Variants in SLC24A3 observed in about 807,000 individuals in gnomAD.
The protein encoded by SLC24A3 is solute carrier family 24 member 3, also known as sodium/potassium/calcium exchanger 3.
A neutral mutation model predicts 75.8 loss-of-function variants in SLC24A3; 28 were observed. The observed-to-expected ratio is 0.37, with a 90% confidence interval of 0.27 to 0.51. The LOEUF (loss-of-function observed/expected upper bound fraction) is 0.51, where lower values mean the gene tolerates loss of function less well. Among genes scored for constraint, SLC24A3 ranks in the 20% least tolerant of loss-of-function variants. The pLI is 0.94. For synonymous variants in SLC24A3, 372 were observed against 334.1 expected (o/e 1.11, Z -1.24); for missense variants, 663 against 847.8 (o/e 0.78, Z 2.71).
chr20:19,314,502 A>T (rs1984537545), intron 2 of SLC24A3, among the ~76,000 whole-genome samples: 1 of 151,690 alleles, frequency 6.6e-6, no homozygotes, highest in African/African-American at 2.4e-5. Flanking sequence ...TTTTATAGAG[A>T]TGGGGTTTCA....
At position 19,343,585 on chromosome 20, in the gene SLC24A3, G is replaced by A. The variant is rs4814839; in HGVS notation, c.271+62498G>A. Among the ~76,000 whole-genome samples, 1,298 of 152,200 alleles carry A rather than the reference G, an allele frequency of 8.5e-3. 37 individuals are homozygous for A. The East Asian group carries it at 0.1, about 12-fold the overall frequency. On this transcript the variant is annotated intron_variant, in intron 2 of 16. Transcript: ENST00000328041. The stretch of plus-strand genomic sequence containing the variant: ...AGGAGAAAAAAAAAATGGTGAGTTG[G>A]AAGTAATACTTCATGGAGTACAGGG...
chr20:19,661,745 A>G (rs942262026), intron 7 of SLC24A3, among the ~76,000 whole-genome samples: 1 of 152,166 alleles, frequency 6.6e-6, no homozygotes, highest in African/African-American at 2.4e-5. Flanking sequence ...AGGGGCTGAC[A>G]TGGCGATGTT....
chr20:19,459,112 A>T (rs775324023), intron 2 of SLC24A3, among the ~76,000 whole-genome samples: 7 of 152,206 alleles, frequency 4.6e-5, no homozygotes, highest in Non-Finnish European at 7.3e-5. Flanking sequence ...GGGGACTGCA[A>T]GATTGATATG....
chr20:19,262,392 G>T (rs1436368155), intron 1 of SLC24A3, among the ~76,000 whole-genome samples: 1 of 131,502 alleles, frequency 7.6e-6, no homozygotes, highest in Non-Finnish European at 1.6e-5. Flanking sequence ...GCGACAGAGC[G>T]AGACTCCGTC....
At chr20:19,415,653 A>AT in intron 2 of SLC24A3, among the ~76,000 whole-genome samples, 1 of 152,312 alleles carries the variant, frequency 6.6e-6, no homozygotes, top group East Asian at 1.9e-4. Context: ...TTAAAAAAAA[A>AT]AAAACTGAAT....
intron 6 of SLC24A3, among the ~76,000 whole-genome samples, chr20:19,652,853 T>C (rs896559373): frequency 1.3e-5 from 2 of 152,202 alleles, no homozygotes; most frequent in Non-Finnish European, 2.9e-5. Context: ...TGGTGTAGCA[T>C]GTGCCTGTCA....
At chr20:19,552,069 C>T (rs1355144945) in intron 3 of SLC24A3, among the ~76,000 whole-genome samples, 10 of 152,152 alleles carry the variant, frequency 6.6e-5, no homozygotes, top group Non-Finnish European at 8.8e-5. Context: ...GTTTAGTTTC[C>T]AAGATCTACC....
At chr20:19,411,855 G>A (rs1415961209) in intron 2 of SLC24A3, among the ~76,000 whole-genome samples, 1 of 152,184 alleles carries the variant, frequency 6.6e-6, no homozygotes, top group Non-Finnish European at 1.5e-5. Context: ...CAAAATAGTT[G>A]ACAATTTTTT....
At chr20:19,587,103 C>T (rs1325478657) in intron 6 of SLC24A3, among the ~76,000 whole-genome samples, 1 of 152,194 alleles carries the variant, frequency 6.6e-6, no homozygotes, top group African/African-American at 2.4e-5. Context: ...TAGCACTCTC[C>T]TAATTGGCAT....
chr20:19,390,746 T>G (rs1986352001), intron 2 of SLC24A3, among the ~76,000 whole-genome samples: 2 of 152,092 alleles, frequency 1.3e-5, no homozygotes, highest in Non-Finnish European at 2.9e-5. Context: ...ATTTCCAGCA[T>G]AGGCCTGGCA....
intron 2 of SLC24A3, among the ~76,000 whole-genome samples, chr20:19,368,756 T>C (rs1985941075): frequency 6.6e-6 from 1 of 152,204 alleles, no homozygotes; most frequent in Non-Finnish European, 1.5e-5. Flanking sequence ...ATTACATCTA[T>C]TCTGAAACAA....
In SLC24A3 at chr20:19,681,869, G is replaced by T; in HGVS notation, c.779G>T (p.Cys260Phe). The T allele has an allele frequency of 6.2e-7, 1 of 1,614,110 alleles. No individual in the cohort carries two copies. Among genetic ancestry groups the T allele is most frequent in the Non-Finnish European group, 8.5e-7 (1 of 1,179,992 alleles). ...GTCGCTTTGCTCAGATATAACGCTT[G>T]CATACATCAGTGCTTTGAGAGGAGG... ...IYIVIMKYNACIHQCFERRTK... is the reference protein window; with the variant it reads ...IYIVIMKYNAFIHQCFERRTK... The change falls in exon 10 of 17, where the codon TGC (cysteine) becomes TTC (phenylalanine). Residue 260 changes from cysteine to phenylalanine, a missense_variant. Physicochemically the swap from Cys to Phe is radical, Grantham distance 205. Transcript: ENST00000328041.
chr20:19,266,557 C>T (rs1388958173), intron 1 of SLC24A3, among the ~76,000 whole-genome samples: 1 of 152,180 alleles, frequency 6.6e-6, no homozygotes, highest in Non-Finnish European at 1.5e-5. Flanking sequence ...TACTCATACT[C>T]ATAAATAAAT....
chr20:19,485,424 A>C (rs559548419), intron 2 of SLC24A3, among the ~76,000 whole-genome samples: 3 of 152,156 alleles, frequency 2.0e-5, no homozygotes, highest in Non-Finnish European at 4.4e-5. Flanking sequence ...TATTTGTGTA[A>C]AAACAAAGGA....
chr20:19,701,366 A>AG (rs1555808068), intron 15 of SLC24A3, among the ~76,000 whole-genome samples: 1 of 151,630 alleles, frequency 6.6e-6, no homozygotes, highest in Non-Finnish European at 1.5e-5. Context: ...TTAAAAAAAA[A>AG]CATTAATTCA....
intron 2 of SLC24A3, among the ~76,000 whole-genome samples, chr20:19,281,498 C>T (rs1345355791): frequency 2.0e-5 from 3 of 152,088 alleles, no homozygotes; most frequent in African/African-American, 4.8e-5. Context: ...GGGATTGGGC[C>T]GGATCGTCAC....
chr20:19,323,292 T>C (rs1410977903), intron 2 of SLC24A3, among the ~76,000 whole-genome samples: 1 of 151,968 alleles, frequency 6.6e-6, no homozygotes, highest in Non-Finnish European at 1.5e-5. Context: ...GCTTTGTAAT[T>C]ATAAGCAGAA....
intron 6 of SLC24A3, among the ~76,000 whole-genome samples, chr20:19,623,005 A>G (rs1365534478): frequency 6.6e-6 from 1 of 152,228 alleles, no homozygotes; most frequent in Non-Finnish European, 1.5e-5. Flanking sequence ...GCACCAAGCC[A>G]TCTGCCCCTA....
chr20:19,709,026 G>A (rs1010431046), intron 15 of SLC24A3, among the ~76,000 whole-genome samples: 2 of 152,106 alleles, frequency 1.3e-5, no homozygotes, highest in Non-Finnish European at 2.9e-5. Context: ...GTATGAGAGT[G>A]GAGAGGAAGA....
Sources: allele counts gnomAD v4.1 joint callset (sites outside exome capture counted in the v4.1 genomes callset), GRCh38; gene constraint gnomAD v4.1.1; transcripts MANE v1.5; gene names NCBI Gene and HGNC (gene_info 2026-07-23, HGNC 2026-07-21).